Variants in LRMDA observed in about 807,000 individuals in gnomAD.
LRMDA encodes the protein leucine rich melanocyte differentiation associated.
Under a neutral mutation model 29.8 loss-of-function variants are expected in LRMDA, and 18 were observed. The ratio of observed to expected loss-of-function variants is 0.60; its 90% CI spans 0.42 to 0.90. The LOEUF (loss-of-function observed/expected upper bound fraction) is 0.90. Among genes scored for constraint, LRMDA ranks in the 40% least tolerant of loss-of-function variants. The probability of loss-of-function intolerance (pLI) is 0.00; values close to 1 mark genes in which losing one functional copy is unlikely to be tolerated. For missense variants in LRMDA, 273 were observed against 273.9 expected, an observed-to-expected ratio of 1.00 and a Z score of 0.02; for synonymous variants, 125 against 109.4, an observed-to-expected ratio of 1.14 and a Z score of -0.89.
rs151109175 is a variant in LRMDA at position 75,929,295 on chromosome 10, A to ATGTG, written c.132-106697_132-106694dup. On this transcript the variant is annotated intron_variant, in intron 2 of 6. Transcript: ENST00000611255. ...ATACAAGCATTTAAATGCATGATCT[A>ATGTG]TGTGTGTGTGTGTGTGTGTAAATGA... 7.2e-3 allele frequency among the ~76,000 whole-genome samples: 1,087 copies of ATGTG among 151,112 alleles called. 10 individuals carry two copies. Among genetic ancestry groups the ATGTG allele is most frequent in the African/African-American group, 0.024 (1,007 of 41,268 alleles).
At chr10:76,345,717 T>A (rs1841100721) in intron 6 of LRMDA, among the ~76,000 whole-genome samples, 1 of 152,060 alleles carries the variant, frequency 6.6e-6, no homozygotes, top group Non-Finnish European at 1.5e-5. Context: ...CTTTGGACCA[T>A]GTTCAAGAAT....
chr10:76,003,875 C>T (rs906533959), intron 2 of LRMDA, among the ~76,000 whole-genome samples: 1 of 152,144 alleles, frequency 6.6e-6, no homozygotes, highest in Non-Finnish European at 1.5e-5. Context: ...TCTTATGTGG[C>T]TCATGGTACC....
chr10:75,578,237 A>AAAAAAAAAAAAAAAAAAAC (rs1840535783), intron 2 of LRMDA, among the ~76,000 whole-genome samples: 2 of 148,488 alleles, frequency 1.3e-5, no homozygotes, highest in Non-Finnish European at 3.0e-5. Context: ...AAAAAAAAAA[A>AAAAAAAAAAAAAAAAAAAC]AAGCAGCAGT....
chr10:75,982,496 C>T (rs1476790827), intron 2 of LRMDA, among the ~76,000 whole-genome samples: 4 of 152,164 alleles, frequency 2.6e-5, no homozygotes, highest in African/African-American at 9.7e-5. Flanking sequence ...CCCCTGTTAG[C>T]TTGAGTGGCC....
intron 2 of LRMDA, among the ~76,000 whole-genome samples, chr10:75,851,203 A>C (rs1844727342): frequency 6.6e-6 from 1 of 152,154 alleles, no homozygotes; most frequent in African/African-American, 2.4e-5. Flanking sequence ...CAGCACAAAC[A>C]TCCTTGTTTA....
chr10:75,955,913 T>C (rs1451496311), intron 2 of LRMDA, among the ~76,000 whole-genome samples: 1 of 152,206 alleles, frequency 6.6e-6, no homozygotes, highest in East Asian at 1.9e-4. Context: ...ATTTTTAATA[T>C]AGCATGAAAA....
At chr10:76,298,166 T>G (rs1564715402) in intron 5 of LRMDA, among the ~76,000 whole-genome samples, 1 of 152,194 alleles carries the variant, frequency 6.6e-6, no homozygotes, top group East Asian at 1.9e-4. Flanking sequence ...GGGTGCAGGC[T>G]CAGTCAAGTA....
chr10:76,523,573 G>T (rs1843144085), intron 6 of LRMDA, among the ~76,000 whole-genome samples: 1 of 149,508 alleles, frequency 6.7e-6, no homozygotes, highest in Non-Finnish European at 1.5e-5. Flanking sequence ...GGAGTTTTCT[G>T]CCAGAAACAG....
chr10:76,355,893 C>G (rs189384005), intron 6 of LRMDA, among the ~76,000 whole-genome samples: 2 of 152,150 alleles, frequency 1.3e-5, no homozygotes, highest in Non-Finnish European at 2.9e-5. Context: ...AGCCCAAGTT[C>G]TCTATAGATC....
chr10:76,087,155 CCA>C (rs1554846037), intron 5 of LRMDA, among the ~76,000 whole-genome samples: 1 of 152,142 alleles, frequency 6.6e-6, no homozygotes, highest in Admixed American at 6.5e-5. Context: ...CCAGTGCACC[CCA>C]GTGTCAGGTA....
At chr10:75,854,548 AATTT>A (rs532173091) in intron 2 of LRMDA, among the ~76,000 whole-genome samples, 20 of 152,022 alleles carry the variant, frequency 1.3e-4, no homozygotes, top group Middle Eastern at 3.4e-3. Context: ...AAAAATGACC[AATTT>A]ATTTATTTAT....
intron 5 of LRMDA, among the ~76,000 whole-genome samples, chr10:76,096,277 T>A (rs779040087): frequency 6.6e-6 from 1 of 152,170 alleles, no homozygotes; most frequent in Non-Finnish European, 1.5e-5. Flanking sequence ...ATGATCCACT[T>A]TGAGTTATTA....
intron 5 of LRMDA, among the ~76,000 whole-genome samples, chr10:76,249,899 T>G (rs1273247588): frequency 6.6e-6 from 1 of 152,188 alleles, no homozygotes; most frequent in Non-Finnish European, 1.5e-5. Context: ...GCCTCCCAGG[T>G]TCAAGTGATT....
intron 5 of LRMDA, among the ~76,000 whole-genome samples, chr10:76,162,155 G>A (rs866411002): frequency 1.3e-4 from 20 of 152,086 alleles, no homozygotes; most frequent in African/African-American, 4.8e-4. Context: ...TTCGTGCTGT[G>A]GTGTTTACTT....
At chr10:75,481,718 CA>C (rs1359117718) in intron 2 of LRMDA, among the ~76,000 whole-genome samples, 1 of 152,156 alleles carries the variant, frequency 6.6e-6, no homozygotes, top group Non-Finnish European at 1.5e-5. Context: ...AGGATGAAGG[CA>C]AACTCTTTGA....
At chr10:76,196,018 G>A (rs1851325848) in intron 5 of LRMDA, among the ~76,000 whole-genome samples, 1 of 152,136 alleles carries the variant, frequency 6.6e-6, no homozygotes, top group Non-Finnish European at 1.5e-5. Flanking sequence ...GCATGAAAAC[G>A]ATAGTTAATT....
chr10:76,316,117 C>T (rs923070698), intron 5 of LRMDA, among the ~76,000 whole-genome samples: 1 of 152,206 alleles, frequency 6.6e-6, no homozygotes, highest in African/African-American at 2.4e-5. Context: ...CACGCCTCTC[C>T]GCCTAACACG....
At chr10:75,508,408 T>TG (rs1463322652) in intron 2 of LRMDA, among the ~76,000 whole-genome samples, 1 of 152,230 alleles carries the variant, frequency 6.6e-6, no homozygotes, top group Non-Finnish European at 1.5e-5. Context: ...CCTTTTGGGC[T>TG]GTATATTTCT....
At chr10:76,041,823 A>T (rs1323548356) in intron 3 of LRMDA, among the ~76,000 whole-genome samples, 1 of 152,180 alleles carries the variant, frequency 6.6e-6, no homozygotes, top group Non-Finnish European at 1.5e-5. Context: ...AACGCTAAGT[A>T]CCCCGGAGAA....
Sources: allele counts gnomAD v4.1 joint callset (sites outside exome capture counted in the v4.1 genomes callset), GRCh38; gene constraint gnomAD v4.1.1; transcripts MANE v1.5; gene names NCBI Gene and HGNC (gene_info 2026-07-23, HGNC 2026-07-21).